CYP3A5: variants seen among roughly 807,000 people sequenced by gnomAD.
CYP3A5 encodes cytochrome P450 3A5.
A neutral mutation model predicts 55.9 loss-of-function variants in CYP3A5; 51 were observed. The ratio of observed to expected loss-of-function variants is 0.91; its 90% CI spans 0.73 to 1.15. The LOEUF (loss-of-function observed/expected upper bound fraction) is 1.15, where lower values mean the gene tolerates loss of function less well. Ranked by LOEUF, CYP3A5 falls within the 50% of genes most tolerant of loss-of-function variation. The pLI is 0.00. For synonymous variants in CYP3A5, 196 were observed against 213.9 expected (o/e 0.92, Z 0.73); for missense variants, 533 against 596.6 (o/e 0.89, Z 1.11).
intron 4 of CYP3A5, among the ~76,000 whole-genome samples, chr7:99,668,121 C>T (rs1240040995): frequency 1.3e-5 from 2 of 152,162 alleles, no homozygotes; most frequent in African/African-American, 4.8e-5. Context: ...CAAAATTATT[C>T]ACATTTCTAT....
At chr7:99,650,634 G>A (rs1232320297) in intron 11 of CYP3A5, among the ~76,000 whole-genome samples, 2 of 152,212 alleles carry the variant, frequency 1.3e-5, no homozygotes. Context: ...AGGAGAAGGA[G>A]AAAACGTCTT....
chr7:99,677,286 C>T, intron 1 of CYP3A5: 4 of 980,874 alleles, frequency 4.1e-6, no homozygotes, highest in Non-Finnish European at 4.8e-6. Context: ...GACACTGATT[C>T]AGCTGTGAAG....
At chr7:99,678,851 G>A (rs1007916667) in intron 1 of CYP3A5, among the ~76,000 whole-genome samples, 1 of 152,180 alleles carries the variant, frequency 6.6e-6, no homozygotes, top group African/African-American at 2.4e-5. Context: ...TCAAATTGAG[G>A]TAGAAGTTAA....
intron 10 of CYP3A5, among the ~76,000 whole-genome samples, chr7:99,658,577 G>C (rs1214508161): frequency 6.6e-6 from 1 of 151,996 alleles, no homozygotes; most frequent in Non-Finnish European, 1.5e-5. Context: ...TGCTCTTCTC[G>C]AGGAGTATCT....
chr7:99,663,626 T>C, intron 8 of CYP3A5: 1 of 1,002,140 alleles, frequency 1.0e-6, no homozygotes, highest in East Asian at 1.1e-4. Flanking sequence ...ATCTGTGATA[T>C]GAGGAAAGCA....
intron 4 of CYP3A5, among the ~76,000 whole-genome samples, chr7:99,670,513 A>G (rs1289060029): frequency 6.6e-6 from 1 of 152,206 alleles, no homozygotes; most frequent in Non-Finnish European, 1.5e-5. Context: ...AAAATCATCA[A>G]TATTTTGGTA....
intron 10 of CYP3A5, 61 bp from the exon 11 acceptor site, chr7:99,652,840 C>A: frequency 7.9e-7 from 1 of 1,262,604 alleles, no homozygotes; most frequent in South Asian, 1.3e-5. Flanking sequence ...CAACTGAGTC[C>A]ATGCAGTACT....
At chr7:99,672,820 G>A (rs563864313) in intron 3 of CYP3A5, 141 bp from the exon 4 acceptor site, 1 of 1,483,752 alleles carries the variant, frequency 6.7e-7, no homozygotes, top group African/African-American at 1.4e-5. Flanking sequence ...TTAGGTTCTA[G>A]TTCATTAGGG....
At chr7:99,674,018 T>G (rs148202200) in intron 3 of CYP3A5, among the ~76,000 whole-genome samples, 15 of 152,266 alleles carry the variant, frequency 9.9e-5, no homozygotes, top group Middle Eastern at 3.4e-3. Flanking sequence ...GTGATGTCAC[T>G]AATTGTTTTT....
At chr7:99,665,880 G>A (rs1355151721) in intron 6 of CYP3A5, among the ~76,000 whole-genome samples, 1 of 152,182 alleles carries the variant, frequency 6.6e-6, no homozygotes, top group Non-Finnish European at 1.5e-5. Flanking sequence ...GTTGCGCTGA[G>A]AGCAGAGTCA....
rs1810560948 is a variant in CYP3A5, at chr7:99,662,564, T to G, written c.865+252A>C. Among the ~76,000 whole-genome samples the G allele has an allele frequency of 6.6e-6, 1 of 152,186 alleles. No homozygotes were observed. Among genetic ancestry groups the G allele is most frequent in the South Asian group, 2.1e-4 (1 of 4,830 alleles). On this transcript the variant is annotated intron_variant, in intron 9 of 12. Coordinates refer to ENST00000222982, the MANE Select transcript of CYP3A5 (RefSeq NM_000777.5). This position sits in a 1 kb window ranked among gnomAD's most constrained non-coding sequence, Gnocchi z 4.3. ...GAACTGGCATTTGATCTCATGTAGG[T>G]GATCCACAAACCACTGACTGTCCTC...
intron 12 of CYP3A5, 32 bp downstream of exon 12, chr7:99,650,041 T>C (rs534321320): frequency 6.2e-7 from 1 of 1,611,210 alleles, no homozygotes; most frequent in South Asian, 1.1e-5. Context: ...GTTAAAAAAA[T>C]TCTTAATAAA....
In CYP3A5 at chr7:99,650,080, T is replaced by G; in HGVS notation, c.1406A>C (p.Glu469Ala). ...LQNFSFKPCK[E>A]TQIPLKLDTQ... is the part of the protein sequence containing the mutation. Reference sequence around the variant, plus strand: ...TACAGAAAGTGTACTGACCTGTGTTTCTTTACAAGGTTTGAAGGAGAAGTT... The same window carrying G: ...TACAGAAAGTGTACTGACCTGTGTTGCTTTACAAGGTTTGAAGGAGAAGTT... Residue 469 changes from glutamate (E) to alanine (A), a missense_variant, in exon 12 of 13, where the codon GAA (glutamate) becomes GCA (alanine). Transcript: ENST00000222982. 6.2e-7 allele frequency: 1 copy of G among 1,614,128 alleles called. No homozygotes were observed. Among genetic ancestry groups the G allele is most frequent in the African/African-American group, 1.3e-5 (1 of 75,042 alleles).
intron 11 of CYP3A5, 147 bp from the exon 12 acceptor site, chr7:99,650,379 G>C (rs1243872515): frequency 1.4e-6 from 1 of 715,624 alleles, no homozygotes; most frequent in East Asian, 2.6e-5. Context: ...TTGAAATCCT[G>C]CTTTGGTTAT....
chr7:99,650,142 G>C lies in CYP3A5; in HGVS notation c.1344C>G (p.Leu448=). ...PRNCIGMRFA[L]MNMKLALIRV... ...TGATTAGAGCAAGTTTCATGTTCAT[G>C]AGAGCAAACCTCATGCCAATGCAGT... Residue 448 remains leucine, a synonymous_variant, in exon 12 of 13, where the codon CTC becomes CTG. Transcript: ENST00000222982. The C allele has an allele frequency of 6.2e-7, 1 of 1,614,162 alleles. No individual in the cohort carries two copies. Among genetic ancestry groups the C allele is most frequent in the Middle Eastern group, 1.7e-4 (1 of 6,060 alleles).
At chr7:99,656,968 T>A (rs1292522473) in intron 10 of CYP3A5, among the ~76,000 whole-genome samples, 3 of 152,226 alleles carry the variant, frequency 2.0e-5, no homozygotes, top group Non-Finnish European at 4.4e-5. Flanking sequence ...GATTCTTCTC[T>A]CTTTTCTTCT....
chr7:99,672,108 A>G (rs1811712027), intron 4 of CYP3A5, among the ~76,000 whole-genome samples: 1 of 151,956 alleles, frequency 6.6e-6, no homozygotes, highest in African/African-American at 2.4e-5. Context: ...CTGGAGTATA[A>G]TGGCGTGATC....
intron 10 of CYP3A5, 75 bp downstream of exon 10, chr7:99,660,424 T>C: frequency 6.6e-7 from 1 of 1,503,930 alleles, no homozygotes; most frequent in Non-Finnish European, 8.9e-7. Context: ...ATAAAAATTC[T>C]CCTGGGGAGT....
intron 1 of CYP3A5, among the ~76,000 whole-genome samples, chr7:99,677,800 A>G (rs1223634698): frequency 4.6e-5 from 7 of 152,186 alleles, no homozygotes; most frequent in Non-Finnish European, 8.8e-5. Flanking sequence ...TGTCAAATCA[A>G]TGACACTAAT....
Sources: gnomAD v4.1 joint callset for allele counts (sites outside exome capture counted in the v4.1 genomes callset) on GRCh38, gnomAD v4.1.1 for gene constraint, Gnocchi (gnomAD v3.1) non-coding constraint, MANE v1.5 for transcripts, NCBI Gene and HGNC (gene_info 2026-07-23, HGNC 2026-07-21) for gene names.